Variants in ZMAT4 observed in about 807,000 individuals in gnomAD.
ZMAT4 encodes the protein zinc finger matrin-type protein 4.
In ZMAT4, 17 loss-of-function variants were observed where a neutral mutation model predicts 28.7. That is an observed-to-expected ratio of 0.59 (90% CI 0.41 to 0.89). The LOEUF is 0.89. Ranked by LOEUF, ZMAT4 falls within the 40% of genes least tolerant of loss-of-function variation. The probability of loss-of-function intolerance (pLI) is 0.00; values close to 1 mark genes in which losing one functional copy is unlikely to be tolerated. For missense variants in ZMAT4, 240 were observed against 283.8 expected (o/e 0.85, Z 1.11); for synonymous variants, 117 against 109.2 (o/e 1.07, Z -0.44).
intron 1 of ZMAT4, among the ~76,000 whole-genome samples, chr8:40,855,972 T>G (rs1817283190): frequency 1.3e-5 from 2 of 152,030 alleles, no homozygotes. Flanking sequence ...ATTACCGGCA[T>G]GAGCAACTAC....
chr8:40,847,217 A>C (rs766535796), intron 1 of ZMAT4, among the ~76,000 whole-genome samples: 11 of 108,006 alleles, frequency 1.0e-4, no homozygotes, highest in African/African-American at 3.5e-4. Context: ...AAACAAACAA[A>C]CAAAAAAAAA....
chr8:40,574,236 A>G (rs1804190094), intron 6 of ZMAT4, among the ~76,000 whole-genome samples: 2 of 152,184 alleles, frequency 1.3e-5, no homozygotes, highest in African/African-American at 4.8e-5. Flanking sequence ...GTGTACACTA[A>G]TATCAGAAAG....
intron 4 of ZMAT4, among the ~76,000 whole-genome samples, chr8:40,677,908 A>G (rs945898418): frequency 1.3e-5 from 2 of 152,190 alleles, no homozygotes; most frequent in African/African-American, 4.8e-5. Context: ...CCAAAAGTCA[A>G]TTAATCGAAA....
At chr8:40,755,917 T>A (rs1366103033) in intron 3 of ZMAT4, among the ~76,000 whole-genome samples, 2 of 152,198 alleles carry the variant, frequency 1.3e-5, no homozygotes, top group African/African-American at 4.8e-5. Flanking sequence ...TGAGCCAGTG[T>A]GGCACATAAA....
chr8:40,656,042 A>G lies in ZMAT4; in HGVS notation c.577+18662T>C, dbSNP rs139298883. On this transcript the variant is annotated intron_variant, in intron 5 of 6. Coordinates refer to ENST00000297737, the MANE Select transcript of ZMAT4 (RefSeq NM_024645.3). The stretch of plus-strand genomic sequence containing the variant: ...CCACAGAATGAGAGACAAAATTGAA[A>G]ATCATATATCTGATAAGAATCCAGT... 3.6e-3 allele frequency among the ~76,000 whole-genome samples: 554 copies of G among 152,276 alleles called. 5 individuals carry two copies. The highest frequency in any genetic ancestry group is 5.0e-3 in the Non-Finnish European group (338 of 67,988).
intron 6 of ZMAT4, among the ~76,000 whole-genome samples, chr8:40,543,854 G>C (rs1803116058): frequency 6.6e-6 from 1 of 152,278 alleles, no homozygotes; most frequent in South Asian, 2.1e-4. Flanking sequence ...GCCAACCAAA[G>C]CATTATCGAT....
chr8:40,845,879 G>A (rs955086096), intron 1 of ZMAT4, among the ~76,000 whole-genome samples: 1 of 151,886 alleles, frequency 6.6e-6, no homozygotes, highest in African/African-American at 2.4e-5. Context: ...AATTAGGAGC[G>A]GCCCCAAAAG....
rs562799619 is a variant in ZMAT4 at position 40,710,616 on chromosome 8, G to A, written c.193-13215C>T. On this transcript the variant is annotated intron_variant, in intron 3 of 6. Transcript: ENST00000297737. ...CACAAAAAGAAACCCAGCCTTTTGT[G>A]GGGGGAAAAAAAAAAAGACTAATTC... Among the ~76,000 whole-genome samples, 7 of 150,342 alleles carry A rather than the reference G, an allele frequency of 4.7e-5. No individual in the cohort carries two copies. The South Asian group carries it at 1.3e-3, about 27-fold the overall frequency.
At chr8:40,881,433 G>GAGAAGAAAGAAAGAA (rs1818221177) in intron 1 of ZMAT4, among the ~76,000 whole-genome samples, 1 of 70,228 alleles carries the variant, frequency 1.4e-5, no homozygotes, top group African/African-American at 6.0e-5. Context: ...AGAAGAAAGA[G>GAGAAGAAAGAAAGAA]AGAAAGAAAG....
At chr8:40,533,811 T>G (rs1257542099) in intron 6 of ZMAT4, among the ~76,000 whole-genome samples, 4 of 152,208 alleles carry the variant, frequency 2.6e-5, no homozygotes, top group Non-Finnish European at 5.9e-5. Context: ...AAATCCTGTT[T>G]TAGAATCTCA....
chr8:40,677,175 A>T (rs1808946628), intron 4 of ZMAT4, among the ~76,000 whole-genome samples: 1 of 152,178 alleles, frequency 6.6e-6, no homozygotes, highest in Admixed American at 6.6e-5. Context: ...GGTAGGAGTG[A>T]GGCACAATAG....
rs566687903 is a variant in ZMAT4, at chr8:40,788,403, C to T, written c.103-20673G>A. Among the ~76,000 whole-genome samples the T allele has an allele frequency of 4.5e-3, 683 of 152,126 alleles. 8 individuals carry two copies. Among genetic ancestry groups the T allele is most frequent in the African/African-American group, 0.016 (660 of 41,494 alleles). On this transcript the variant is annotated intron_variant, in intron 2 of 6. Transcript: ENST00000297737. ...ATCGAGATCATCCTGGCTAACATGG[C>T]GAAACCCTGTCTCTACTAAAAAATA...
chr8:40,544,277 GA>G (rs1302084643), intron 6 of ZMAT4, among the ~76,000 whole-genome samples: 1 of 152,192 alleles, frequency 6.6e-6, no homozygotes, highest in Non-Finnish European at 1.5e-5. Flanking sequence ...TGATAATTTT[GA>G]AAAGTCTCAA....
At chr8:40,563,001 G>A (rs565364820) in intron 6 of ZMAT4, among the ~76,000 whole-genome samples, 2 of 152,220 alleles carry the variant, frequency 1.3e-5, no homozygotes, top group East Asian at 3.9e-4. Context: ...CACCTTGAGT[G>A]AACTCATCTA....
At chr8:40,864,897 G>A (rs566372697) in intron 1 of ZMAT4, among the ~76,000 whole-genome samples, 139 of 152,266 alleles carry the variant, frequency 9.1e-4, no homozygotes, top group African/African-American at 3.2e-3. Flanking sequence ...TATGAGGTAC[G>A]AAGTTCCTAA....
At chr8:40,579,459 A>G (rs1216178441) in intron 6 of ZMAT4, among the ~76,000 whole-genome samples, 1 of 152,182 alleles carries the variant, frequency 6.6e-6, no homozygotes, top group Non-Finnish European at 1.5e-5. Context: ...GTATTCCATA[A>G]CAAATCAAGG....
intron 5 of ZMAT4, among the ~76,000 whole-genome samples, chr8:40,604,508 C>A (rs2118632125): frequency 6.6e-6 from 1 of 152,216 alleles, no homozygotes; most frequent in South Asian, 2.1e-4. Flanking sequence ...TTCTGTTTAT[C>A]TGCTGTATCA....
At chr8:40,711,467 A>G (rs1461005473) in intron 3 of ZMAT4, among the ~76,000 whole-genome samples, 1 of 152,154 alleles carries the variant, frequency 6.6e-6, no homozygotes, top group Admixed American at 6.5e-5. Flanking sequence ...ATCAACCCCA[A>G]ATCCAATCAA....
In ZMAT4 at chr8:40,726,132, A is replaced by G. The variant is rs1008989806; in HGVS notation, c.193-28731T>C. 2.6e-5 allele frequency among the ~76,000 whole-genome samples: 4 copies of G among 152,332 alleles called. No homozygotes were observed. In the South Asian group the frequency reaches 8.3e-4, roughly 32 times the overall value. ...TGACAGGCTGGCACTTTCAGAATTA[A>G]AGACTTTTCCATTTCCCTAATTAGA... On this transcript the variant is annotated intron_variant, in intron 3 of 6. Coordinates refer to ENST00000297737, the MANE Select transcript of ZMAT4 (RefSeq NM_024645.3).
Sources: gnomAD v4.1 joint callset for allele counts (sites outside exome capture counted in the v4.1 genomes callset) on GRCh38, gnomAD v4.1.1 for gene constraint, MANE v1.5 for transcripts, NCBI Gene and HGNC (gene_info 2026-07-23, HGNC 2026-07-21) for gene names.